The following GSG1L variants were observed in gnomAD, a reference collection of about 807,000 sequenced individuals.
GSG1L encodes the protein germ cell-specific gene 1-like protein.
GSG1L carries 24 observed loss-of-function variants against 42.1 expected under a neutral mutation model. The ratio of observed to expected loss-of-function variants is 0.57; its 90% confidence interval spans 0.41 to 0.80. GSG1L has a LOEUF of 0.80. Among genes scored for constraint, GSG1L ranks in the 30% least tolerant of loss-of-function variants. GSG1L has a pLI of 0.00. For missense variants in GSG1L, 445 were observed against 472.2 expected (o/e 0.94, Z 0.53); for synonymous variants, 215 against 203.5 (o/e 1.06, Z -0.48).
chr16:27,891,019 G>A (rs559005562), intron 2 of GSG1L, among the ~76,000 whole-genome samples: 1 of 152,262 alleles, frequency 6.6e-6, no homozygotes, highest in East Asian at 1.9e-4. Context: ...TCTGCTTGGG[G>A]GCTTGCCCTG....
chr16:27,860,519 T>C (rs1284604302), intron 3 of GSG1L, among the ~76,000 whole-genome samples: 1 of 152,234 alleles, frequency 6.6e-6, no homozygotes, highest in Non-Finnish European at 1.5e-5. Context: ...TTGCCAGACC[T>C]CCACCTTCCC....
At chr16:27,981,346 G>T (rs559877861) in intron 1 of GSG1L, among the ~76,000 whole-genome samples, 14 of 152,326 alleles carry the variant, frequency 9.2e-5, no homozygotes, top group Admixed American at 7.2e-4. Context: ...AGCAAATGAG[G>T]CCAATGGGGA....
intron 2 of GSG1L, among the ~76,000 whole-genome samples, chr16:27,910,338 C>T (rs938348132): frequency 2.6e-5 from 4 of 152,102 alleles, no homozygotes; most frequent in African/African-American, 9.7e-5. Flanking sequence ...AAGAGAAATA[C>T]TATAACTAAT....
chr16:27,824,655 G>A (rs912085895), intron 5 of GSG1L, among the ~76,000 whole-genome samples: 1 of 152,232 alleles, frequency 6.6e-6, no homozygotes, highest in African/African-American at 2.4e-5. Flanking sequence ...TAATGTTCAA[G>A]TTATGAATGT....
rs369291705 is a variant in GSG1L, at chr16:27,804,052, T to C, written c.898+3435A>G. On this transcript the variant is annotated intron_variant, in intron 6 of 6. Transcript: ENST00000447459. ...TAGATTAGATGGATAGATAGATAGA[T>C]AGATAGATAGATAGATAGATAGATA... is the stretch of plus-strand genomic sequence containing the variant. 2.3e-3 allele frequency among the ~76,000 whole-genome samples: 325 copies of C among 144,320 alleles called. 3 individuals are homozygous for C. Among genetic ancestry groups the C allele is most frequent in the African/African-American group, 7.9e-3 (303 of 38,578 alleles). 94.7% of individuals were successfully genotyped at this position (144,320 alleles called of 152,430 possible).
intron 3 of GSG1L, among the ~76,000 whole-genome samples, chr16:27,848,587 C>T (rs929218445): frequency 2.0e-5 from 3 of 152,110 alleles, no homozygotes; most frequent in Non-Finnish European, 4.4e-5. Flanking sequence ...ATGTCCTGCT[C>T]TTAACGGGCA....
chr16:27,819,437 G>A (rs993938234), intron 5 of GSG1L, among the ~76,000 whole-genome samples: 8 of 152,172 alleles, frequency 5.3e-5, no homozygotes, highest in East Asian at 3.9e-4. Flanking sequence ...CATAAAGGCC[G>A]TACCGACAGC....
At position 28,060,736 on chromosome 16, in the gene GSG1L, C is replaced by G. The variant is rs1596742076; in HGVS notation, c.349+2340G>C. 2.6e-5 allele frequency among the ~76,000 whole-genome samples: 4 copies of G among 152,060 alleles called. No individual in the cohort carries two copies. The South Asian group carries it at 8.3e-4, about 32-fold the overall frequency. ...GTTCCTCATCTGAAAAAGCAAGTACCCTAGAAGTGTCTGCCTCAAAGGTGG... is the reference window on the plus strand; with the variant it reads ...GTTCCTCATCTGAAAAAGCAAGTACGCTAGAAGTGTCTGCCTCAAAGGTGG... On this transcript the variant is annotated intron_variant, in intron 1 of 6. Transcript: ENST00000447459.
Position 27,884,785 on chromosome 16 carries a change from A to AT in GSG1L, c.398-148dup. 1 of 756,034 alleles carries AT rather than the reference A, an allele frequency of 1.3e-6. No individual in the cohort carries two copies. Among genetic ancestry groups the AT allele is most frequent in the Non-Finnish European group, 2.0e-6 (1 of 488,308 alleles). 46.8% of individuals were successfully genotyped at this position (756,034 alleles called of 1,614,324 possible). A position where few individuals can be genotyped will look rare whatever the true frequency, so the allele number is the denominator to read the frequency against. On this transcript the variant is annotated intron_variant, in intron 2 of 6. Transcript: ENST00000447459. This position sits in a 1 kb window ranked among gnomAD's most constrained non-coding sequence, Gnocchi z 4.4. ...GGGGAGGTCCTGATGGAAGCCTGTC[A>AT]TGGCCGTCCCATCCTTGTCTGCAGG...
At chr16:27,858,729 G>A (rs1211518834) in intron 3 of GSG1L, among the ~76,000 whole-genome samples, 1 of 152,206 alleles carries the variant, frequency 6.6e-6, no homozygotes, top group East Asian at 1.9e-4. Flanking sequence ...CAAGGCAGGA[G>A]GATTGCTTAA....
intron 5 of GSG1L, among the ~76,000 whole-genome samples, chr16:27,818,299 T>C (rs1224717064): frequency 6.6e-6 from 1 of 152,170 alleles, no homozygotes. Context: ...AGATGTTCCT[T>C]TCAGATGTTC....
Position 27,790,890 on chromosome 16 carries a change from G to C in GSG1L, c.*480C>G, listed in dbSNP as rs1434461045. On this transcript the variant is annotated 3_prime_UTR_variant, in exon 7 of 7. Coordinates refer to ENST00000447459, the MANE Select transcript of GSG1L (RefSeq NM_001109763.2). ...AGCAACTGGCCTCCATACACCGCAA[G>C]AAAACAAGTTCAACAAGCATTTATT... 1 of 153,270 alleles carries C rather than the reference G, an allele frequency of 6.5e-6. No homozygotes were observed. Among genetic ancestry groups the C allele is most frequent in the East Asian group, 1.9e-4 (1 of 5,234 alleles). 9.5% of individuals were successfully genotyped at this position (153,270 alleles called of 1,614,324 possible).
chr16:27,815,298 A>C lies in GSG1L; in HGVS notation c.831-7744T>G, dbSNP rs370911453. ...CAGGAGAGAGCTGGTTGTTTAAAGGAGCCTGGCATCTCCACCTCTCTCTTG... is the reference window on the plus strand; with the variant it reads ...CAGGAGAGAGCTGGTTGTTTAAAGGCGCCTGGCATCTCCACCTCTCTCTTG... On this transcript the variant is annotated intron_variant, in intron 5 of 6. Coordinates refer to ENST00000447459, the MANE Select transcript of GSG1L (RefSeq NM_001109763.2). 2.3e-4 allele frequency among the ~76,000 whole-genome samples: 35 copies of C among 152,204 alleles called. 2 individuals carry two copies. Among genetic ancestry groups the C allele is most frequent in the African/African-American group, 8.4e-4 (35 of 41,532 alleles).
rs577874760 is a variant in GSG1L, at chr16:28,063,032, C to G, written c.349+44G>C. On this transcript the variant is annotated intron_variant, in intron 1 of 6. Coordinates refer to ENST00000447459, the MANE Select transcript of GSG1L (RefSeq NM_001109763.2). This position sits in a 1 kb window ranked among gnomAD's most constrained non-coding sequence, Gnocchi z 5.8. ...TCGGGCCTCGATGGCCGCGCCGCCC[C>G]GGGGGAGCCGGAGCCGAGCTGGCCG... The G allele has an allele frequency of 0.011, 15,104 of 1,351,816 alleles. 264 individuals carry two copies. The highest frequency in any genetic ancestry group is 0.065 in the South Asian group (4,065 of 62,210). The allele number at this position is 1,351,816 out of a possible 1,614,324, so 83.7% of individuals were successfully genotyped here. A position where few individuals can be genotyped will look rare whatever the true frequency, so the allele number is the denominator to read the frequency against.
chr16:27,840,486 T>A (rs548240778), intron 4 of GSG1L, among the ~76,000 whole-genome samples: 100 of 152,108 alleles, frequency 6.6e-4, no homozygotes, highest in African/African-American at 2.2e-3. Flanking sequence ...TTGTCACAGG[T>A]AGGGAGAGCT....
Position 27,850,484 on chromosome 16 carries a change from G to A in GSG1L, c.551-5423C>T. 3 of 455,540 alleles carry A rather than the reference G, an allele frequency of 6.6e-6. No homozygotes were observed. The Middle Eastern group carries it at 1.1e-3, about 172-fold the overall frequency. The allele number at this position is 455,540 out of a possible 1,614,324, so 28.2% of individuals were successfully genotyped here. On this transcript the variant is annotated intron_variant, in intron 3 of 6. Transcript: ENST00000447459. ...ATGTGCCTAGAAGAGGTCACCTGGA[G>A]AGAGACTGTAGGAAGAGGAGAGAGA...
chr16:27,919,268 G>A (rs1336579509), intron 2 of GSG1L, among the ~76,000 whole-genome samples: 1 of 152,154 alleles, frequency 6.6e-6, no homozygotes, highest in East Asian at 1.9e-4. Context: ...TGCCCAAAGT[G>A]GCAATGACTT....
intron 3 of GSG1L, among the ~76,000 whole-genome samples, chr16:27,880,480 G>A (rs2083938968): frequency 6.6e-6 from 1 of 152,182 alleles, no homozygotes; most frequent in African/African-American, 2.4e-5. Flanking sequence ...GCCAACTGGA[G>A]CTGGGTTTAA....
Position 27,787,711 on chromosome 16 carries a change from T to C in GSG1L, c.*3659A>G, listed in dbSNP as rs1437617050. 2 of 152,190 alleles carry C rather than the reference T, an allele frequency of 1.3e-5. No homozygotes were observed. Among genetic ancestry groups the C allele is most frequent in the African/African-American group, 4.8e-5 (2 of 41,428 alleles). 9.4% of individuals were successfully genotyped at this position (152,190 alleles called of 1,614,324 possible). On this transcript the variant is annotated 3_prime_UTR_variant, in exon 7 of 7. Coordinates refer to ENST00000447459, the MANE Select transcript of GSG1L (RefSeq NM_001109763.2). ...ACACAACTATTAAAATAGATTAAAA[T>C]TTTCCCCATGTGTCAACTACAATCA...
Sources: gnomAD v4.1 joint callset for allele counts (sites outside exome capture counted in the v4.1 genomes callset) on GRCh38, gnomAD v4.1.1 for gene constraint, Gnocchi (gnomAD v3.1) non-coding constraint, MANE v1.5 for transcripts, NCBI Gene and HGNC (gene_info 2026-07-23, HGNC 2026-07-21) for gene names.